ARHGEF7: variants seen among roughly 807,000 people sequenced by gnomAD.
ARHGEF7 encodes the protein PAK-interacting exchange factor beta.
ARHGEF7 carries 33 observed loss-of-function variants against 109.8 expected under a neutral mutation model. The ratio of observed to expected loss-of-function variants is 0.30; its 90% CI spans 0.23 to 0.40. The LOEUF (loss-of-function observed/expected upper bound fraction) is 0.40. Among genes scored for constraint, ARHGEF7 ranks in the 10% least tolerant of loss-of-function variants. The probability of loss-of-function intolerance (pLI) is 1.00; values close to 1 mark genes in which losing one functional copy is unlikely to be tolerated. For missense variants in ARHGEF7, 938 were observed against 1,098.5 expected (o/e 0.85, Z 2.07); for synonymous variants, 458 against 424.6 (o/e 1.08, Z -0.97).
intron 15 of ARHGEF7, chr13:111,282,805 C>G (rs996269215): frequency 2.1e-4 from 82 of 383,476 alleles, no homozygotes; most frequent in Non-Finnish European, 4.7e-5. Context: ...CATCTTTTTA[C>G]TAGATGAAGT....
chr13:111,195,941 G>A (rs916860208), intron 2 of ARHGEF7, among the ~76,000 whole-genome samples: 1 of 152,138 alleles, frequency 6.6e-6, no homozygotes, highest in South Asian at 2.1e-4. Flanking sequence ...AGAACACTGA[G>A]GTTGCCAGGT....
In ARHGEF7 at chr13:111,303,144, CA is replaced by C; in HGVS notation, c.*32del. 1 of 1,582,754 alleles carries C rather than the reference CA, an allele frequency of 6.3e-7. No individual in the cohort carries two copies. The highest frequency in any genetic ancestry group is 1.3e-5 in the African/African-American group (1 of 74,218). ...GTCCTCAGTTCTTTCTGTTGAAGACCAGTTCTGAGGTGAAGCTGGGCACCCC... is the reference window on the plus strand; with the variant it reads ...GTCCTCAGTTCTTTCTGTTGAAGACCGTTCTGAGGTGAAGCTGGGCACCCC... On this transcript the variant is annotated 3_prime_UTR_variant, in exon 22 of 22. Coordinates refer to ENST00000646102, the MANE Select transcript of ARHGEF7 (RefSeq NM_001354046.2).
At chr13:111,205,448 C>A in intron 3 of ARHGEF7, 75 bp downstream of exon 3, 3 of 1,025,492 alleles carry the variant, frequency 2.9e-6, no homozygotes, top group Non-Finnish European at 2.8e-6. Context: ...CTTGTTTTAC[C>A]AAAGCCAGGG....
chr13:111,235,992 A>G, intron 6 of ARHGEF7, among the ~76,000 whole-genome samples: 1 of 152,232 alleles, frequency 6.6e-6, no homozygotes, highest in East Asian at 1.9e-4. Context: ...GAAAGTACCA[A>G]CATTTTGAAA....
chr13:111,205,470 A>C (rs1024484651), intron 3 of ARHGEF7, 97 bp downstream of exon 3: 3 of 743,458 alleles, frequency 4.0e-6, no homozygotes, highest in African/African-American at 3.6e-5. Flanking sequence ...AGCATTACTG[A>C]ATTTAAAAAA....
chr13:111,201,847 A>G (rs930140504), intron 2 of ARHGEF7, among the ~76,000 whole-genome samples: 5 of 152,012 alleles, frequency 3.3e-5, no homozygotes, highest in Non-Finnish European at 7.4e-5. Flanking sequence ...TGTGCGGTTC[A>G]GTGTTAGACC....
At chr13:111,153,534 A>AG (rs1436535709) in intron 1 of ARHGEF7, 1 of 783,814 alleles carries the variant, frequency 1.3e-6, no homozygotes, top group Non-Finnish European at 1.6e-6. Context: ...ACTGGGCCAG[A>AG]GGAGGTGGCA....
At chr13:111,200,453 CTT>C (rs34569096) in intron 2 of ARHGEF7, among the ~76,000 whole-genome samples, 1 of 146,240 alleles carries the variant, frequency 6.8e-6, no homozygotes, top group Non-Finnish European at 1.5e-5. Flanking sequence ...GAAATCATGT[CTT>C]TTTTTTTTTT....
At chr13:111,293,381 A>G in intron 19 of ARHGEF7, 2 of 984,900 alleles carry the variant, frequency 2.0e-6, no homozygotes, top group South Asian at 4.7e-5. Flanking sequence ...CCTCATTGTA[A>G]TGGGATATTG....
intron 5 of ARHGEF7, among the ~76,000 whole-genome samples, chr13:111,221,215 GTCTAT>G (rs1566868568): frequency 3.8e-5 from 1 of 26,480 alleles, no homozygotes; most frequent in East Asian, 3.3e-4. Context: ...AGATATATAT[GTCTAT>G]ATATATCTAT....
rs769245696 is a variant in ARHGEF7 at position 111,288,358 on chromosome 13, A to T, written c.2049A>T (p.Thr683=). ...SDEEFASRKS[T]AALEEDAQIL... ...CTGTTGCGCATCTCTTGACAGGCAC[A>T]GCTGCTTTGGAAGAAGATGCTCAGA... Residue 683 remains threonine, a synonymous_variant, in exon 18 of 22, where the codon ACA becomes ACT. Transcript: ENST00000646102. The T allele has an allele frequency of 6.2e-7, 1 of 1,612,906 alleles. No individual in the cohort carries two copies. Among genetic ancestry groups the T allele is most frequent in the South Asian group, 1.1e-5 (1 of 90,928 alleles).
At chr13:111,241,001 C>T (rs180910766) in intron 6 of ARHGEF7, 8 of 694,090 alleles carry the variant, frequency 1.2e-5, no homozygotes, top group Non-Finnish European at 1.5e-5. Flanking sequence ...AATGATGCAA[C>T]GAATAAAGTG....
chr13:111,273,592 T>C lies in ARHGEF7; in HGVS notation c.1074-222T>C, dbSNP rs1207087027. Among the ~76,000 whole-genome samples the C allele has an allele frequency of 6.6e-6, 1 of 152,202 alleles. No homozygotes were observed. Among genetic ancestry groups the C allele is most frequent in the Admixed American group, 6.5e-5 (1 of 15,294 alleles). On this transcript the variant is annotated intron_variant, in intron 9 of 21. Coordinates refer to ENST00000646102, the MANE Select transcript of ARHGEF7 (RefSeq NM_001354046.2). The surrounding 1 kb of genome is among the most constrained non-coding windows in gnomAD (Gnocchi z 4.5). ...ACATGTCCTGTGCTGTGTATAGTTATTGTTGCTCATATGAGAGCAGGAACG... is the reference window on the plus strand; with the variant it reads ...ACATGTCCTGTGCTGTGTATAGTTACTGTTGCTCATATGAGAGCAGGAACG...
chr13:111,242,621 T>C (rs1288209151), intron 6 of ARHGEF7, among the ~76,000 whole-genome samples: 1 of 152,202 alleles, frequency 6.6e-6, no homozygotes, highest in African/African-American at 2.4e-5. Flanking sequence ...TGAAAAAGAA[T>C]GGAGGCAGGG....
At chr13:111,213,612 G>T (rs2082759694) in intron 4 of ARHGEF7, among the ~76,000 whole-genome samples, 1 of 152,036 alleles carries the variant, frequency 6.6e-6, no homozygotes, top group Admixed American at 6.6e-5. Flanking sequence ...TCCTTTTGTT[G>T]TTGTTGTTGT....
intron 2 of ARHGEF7, among the ~76,000 whole-genome samples, chr13:111,197,336 A>C (rs1257310871): frequency 6.6e-6 from 1 of 152,140 alleles, no homozygotes; most frequent in Non-Finnish European, 1.5e-5. Context: ...CCTAGACCAC[A>C]AGGAGGACTG....
chr13:111,292,570 G>T lies in ARHGEF7; in HGVS notation c.2311+276G>T, dbSNP rs547824978. The T allele has an allele frequency of 1.7e-4, 227 of 1,338,092 alleles. 1 individual carries two copies. The highest frequency in any genetic ancestry group is 2.1e-4 in the Non-Finnish European group (219 of 1,047,728). The allele number at this position is 1,338,092 out of a possible 1,614,324, so 82.9% of individuals were successfully genotyped here. ...GAGCCTACATCCGAGGGTGCTCTTC[G>T]TAAGGGGTAGTTGTTGTTTTATAGC... On this transcript the variant is annotated intron_variant, in intron 19 of 21. Coordinates refer to ENST00000646102, the MANE Select transcript of ARHGEF7 (RefSeq NM_001354046.2).
intron 2 of ARHGEF7, among the ~76,000 whole-genome samples, chr13:111,175,945 A>G (rs2078117330): frequency 1.3e-5 from 2 of 152,208 alleles, no homozygotes; most frequent in African/African-American, 4.8e-5. Context: ...AGCGAAGGGC[A>G]GGGAAAAGCC....
rs2082565856 is a variant in ARHGEF7 at position 111,212,064 on chromosome 13, TCCTCCAGCCAC to T, written c.468+2064_468+2074del. On this transcript the variant is annotated intron_variant, in intron 4 of 21. Transcript: ENST00000646102. ...GCCTCCCTTTCAGTGTAAGAATGTG[TCCTCCAGCCAC>T]CACTGCAGTTGCTGGTTGTTTTTAT... Among the ~76,000 whole-genome samples the T allele has an allele frequency of 2.0e-5, 3 of 152,346 alleles. 1 individual carries two copies. The highest frequency in any genetic ancestry group is 7.2e-5 in the African/African-American group (3 of 41,594).
Sources: allele counts gnomAD v4.1 joint callset (sites outside exome capture counted in the v4.1 genomes callset), GRCh38; gene constraint gnomAD v4.1.1; non-coding constraint Gnocchi (gnomAD v3.1); transcripts MANE v1.5; gene names NCBI Gene and HGNC (gene_info 2026-07-23, HGNC 2026-07-21).